The following TMEM204 variants were observed in gnomAD, a reference collection of about 807,000 sequenced individuals.
The protein encoded by TMEM204 is claudin-like protein 24.
A neutral mutation model predicts 19.4 loss-of-function variants in TMEM204; 15 were observed. The observed-to-expected ratio is 0.77, with a 90% CI of 0.52 to 1.19. TMEM204 has a LOEUF of 1.19. Ranked by LOEUF, TMEM204 falls within the 50% of genes most tolerant of loss-of-function variation. TMEM204 has a pLI of 0.00. For synonymous variants in TMEM204, 161 were observed against 146.0 expected (o/e 1.10, Z -0.74); for missense variants, 287 against 321.2 (o/e 0.89, Z 0.81).
intron 1 of TMEM204, 124 bp downstream of exon 1, chr16:1,534,679 C>A (rs750113827): frequency 2.9e-6 from 4 of 1,399,988 alleles, no homozygotes; most frequent in Non-Finnish European, 3.9e-6. Flanking sequence ...CTGAGCGTGG[C>A]CTCTGGGCAG....
intron 2 of TMEM204, among the ~76,000 whole-genome samples, 190 bp downstream of exon 2, chr16:1,542,266 G>A (rs2031724282): frequency 6.6e-6 from 1 of 152,244 alleles, no homozygotes; most frequent in Non-Finnish European, 1.5e-5. Context: ...AATGATGAAA[G>A]ACAGAAACAC....
At chr16:1,536,491 C>A (rs1192124977) in intron 1 of TMEM204, among the ~76,000 whole-genome samples, 1 of 152,244 alleles carries the variant, frequency 6.6e-6, no homozygotes, top group Non-Finnish European at 1.5e-5. Context: ...CTGCAGGTGG[C>A]TGACCCTCAG....
intron 2 of TMEM204, among the ~76,000 whole-genome samples, chr16:1,543,177 C>T (rs141579197): frequency 1.5e-3 from 224 of 152,362 alleles, no homozygotes; most frequent in African/African-American, 5.0e-3. Flanking sequence ...ATGACCAGCA[C>T]GGAGCTGCCC....
chr16:1,540,919 GCACA>G (rs1256477798), intron 1 of TMEM204: 5 of 985,308 alleles, frequency 5.1e-6, no homozygotes, highest in Non-Finnish European at 6.0e-6. Context: ...GTGTCTGTCA[GCACA>G]CACATTGTCT....
At chr16:1,539,609 C>T (rs866019594) in intron 1 of TMEM204, among the ~76,000 whole-genome samples, 5 of 152,212 alleles carry the variant, frequency 3.3e-5, no homozygotes, top group African/African-American at 4.8e-5. Context: ...CTCGCGGGAG[C>T]GCTATGGTTT....
chr16:1,547,642 T>G (rs1236664371), intron 2 of TMEM204, among the ~76,000 whole-genome samples: 3 of 152,148 alleles, frequency 2.0e-5, no homozygotes, highest in African/African-American at 7.2e-5. Context: ...GTTCAAGTGA[T>G]TCTCCTGCCT....
At chr16:1,541,486 G>T (rs1206609183) in intron 1 of TMEM204, 10 of 985,302 alleles carry the variant, frequency 1.0e-5, no homozygotes, top group African/African-American at 1.7e-5. Context: ...CCCCCGCGGA[G>T]TCTCCGGTCA....
At chr16:1,534,631 CTGG>C in intron 1 of TMEM204, 76 bp downstream of exon 1, 1 of 1,584,154 alleles carries the variant, frequency 6.3e-7, no homozygotes, top group Non-Finnish European at 8.5e-7. Context: ...AGGCGCGGAC[CTGG>C]TGAGCGGGTG....
chr16:1,554,180 G>A (rs761058522), intron 2 of TMEM204: 249 of 1,249,180 alleles, frequency 2.0e-4, no homozygotes, highest in Middle Eastern at 6.8e-4. Context: ...CCCCATCTCC[G>A]CCCTGCCTGA....
chr16:1,542,109 C>T (rs2031708856), intron 2 of TMEM204, 33 bp downstream of exon 2: 1 of 1,548,752 alleles, frequency 6.5e-7, no homozygotes, highest in Non-Finnish European at 8.7e-7. Context: ...CCACCGCGCC[C>T]TTGCCCCCTG....
chr16:1,529,030 G>C (rs2030148448), upstream of TMEM204, among the ~76,000 whole-genome samples: 1 of 152,186 alleles, frequency 6.6e-6, no homozygotes, highest in Admixed American at 6.5e-5. Flanking sequence ...TCTGAGTCTA[G>C]GGGCTGGACG....
chr16:1,547,087 C>T (rs1053028139), intron 2 of TMEM204, among the ~76,000 whole-genome samples: 2 of 152,194 alleles, frequency 1.3e-5, no homozygotes, highest in African/African-American at 2.4e-5. Context: ...GGCATGATGC[C>T]GAAGGCTTCT....
At chr16:1,531,696 G>A (rs1318708026), upstream of TMEM204, 1 of 152,370 alleles carries the variant, frequency 6.6e-6, no homozygotes, top group South Asian at 2.1e-4. This position sits in a 1 kb window ranked among gnomAD's most constrained non-coding sequence, Gnocchi z 4.7. Flanking sequence ...CTGCCATAGC[G>A]CGCAGGGTTA....
At chr16:1,535,483 G>A (rs991417889) in intron 1 of TMEM204, among the ~76,000 whole-genome samples, 2 of 152,286 alleles carry the variant, frequency 1.3e-5, no homozygotes, top group Middle Eastern at 3.4e-3. Context: ...TCACAGACTC[G>A]GGGTTGGACG....
chr16:1,537,711 C>T (rs2031212484), intron 1 of TMEM204, among the ~76,000 whole-genome samples: 1 of 152,222 alleles, frequency 6.6e-6, no homozygotes. Context: ...TACGTCATCT[C>T]TCTGTATTTC....
chr16:1,542,957 T>C (rs2031790025), intron 2 of TMEM204, among the ~76,000 whole-genome samples: 1 of 152,250 alleles, frequency 6.6e-6, no homozygotes, highest in Non-Finnish European at 1.5e-5. Context: ...TGCGGTGTTC[T>C]AGACAAGTGC....
At position 1,554,948 on chromosome 16, in the gene TMEM204, G is replaced by A. The variant is rs2032969194; in HGVS notation, c.603G>A (p.Arg201=). 6.2e-7 allele frequency: 1 copy of A among 1,614,018 alleles called. No individual in the cohort carries two copies. Among genetic ancestry groups the A allele is most frequent in the Non-Finnish European group, 8.5e-7 (1 of 1,180,048 alleles). Residue 201 remains arginine, a synonymous_variant, in exon 3 of 3, where the codon CGG becomes CGA. Coordinates refer to ENST00000566264, the MANE Select transcript of TMEM204 (RefSeq NM_024600.6). ...AGAGGGAGGACTGCATGGCCCCCCG[G>A]GTGATTGTCATCAGCCGCTCCCTGA... ...LHKREDCMAP[R]VIVISRSLTA...
At chr16:1,537,326 G>A (rs564311472) in intron 1 of TMEM204, among the ~76,000 whole-genome samples, 1 of 152,366 alleles carries the variant, frequency 6.6e-6, no homozygotes, top group East Asian at 1.9e-4. Flanking sequence ...TCTCCGGACG[G>A]CTCTGTGCCC....
At chr16:1,530,133 C>CTTTTTTTTTTTTTGTTTTTTTTTTTT (rs2030300034), upstream of TMEM204, among the ~76,000 whole-genome samples, 1 of 88,596 alleles carries the variant, frequency 1.1e-5, no homozygotes, top group African/African-American at 5.4e-5. Context: ...CGACGGGAAT[C>CTTTTTTTTTTTTTGTTTTTTTTTTTT]TTTTTTTTTT....
Sources: gnomAD v4.1 joint callset for allele counts (sites outside exome capture counted in the v4.1 genomes callset) on GRCh38, gnomAD v4.1.1 for gene constraint, Gnocchi (gnomAD v3.1) non-coding constraint, MANE v1.5 for transcripts, NCBI Gene and HGNC (gene_info 2026-07-23, HGNC 2026-07-21) for gene names.